LGALS2: variants seen among roughly 807,000 people sequenced by gnomAD.
LGALS2 encodes the protein galectin-2.
In LGALS2, 7 loss-of-function variants were observed where a neutral mutation model predicts 10.1. The ratio of observed to expected loss-of-function variants is 0.70; its 90% CI spans 0.40 to 1.31. LGALS2 has a LOEUF of 1.31. LGALS2 is among the 50% of genes most tolerant of loss of function. The probability of loss-of-function intolerance (pLI) is 0.01; values close to 1 mark genes in which losing one functional copy is unlikely to be tolerated. For synonymous variants in LGALS2, 86 were observed against 64.2 expected (o/e 1.34, Z -1.63); for missense variants, 167 against 163.6 (o/e 1.02, Z -0.11).
At chr22:37,574,978 A>G (rs4821673) in intron 1 of LGALS2, among the ~76,000 whole-genome samples, 76,103 of 150,352 alleles carry the variant, frequency 0.51, 20,288 homozygotes, top group Non-Finnish European at 0.59. Context: ...CACTTCCCAG[A>G]TTCAAGCAAT....
intron 1 of LGALS2, among the ~76,000 whole-genome samples, chr22:37,576,309 G>A (rs999162964): frequency 5.3e-5 from 8 of 151,794 alleles, no homozygotes; most frequent in Non-Finnish European, 7.4e-5. Flanking sequence ...AAAATTAGCC[G>A]GGCGTGGTGG....
In LGALS2 at chr22:37,570,522, A is replaced by G. The variant is rs1301749549; in HGVS notation, c.249+54T>C. On this transcript the variant is annotated intron_variant, in intron 3 of 3. Transcript: ENST00000215886. ...CTGTGTCCAGGCCAGGCTCTCTTCC[A>G]TCTGGGCCCTCCCCTTGACATCACC... is the stretch of plus-strand genomic sequence containing the variant. The G allele has an allele frequency of 3.7e-6, 6 of 1,611,432 alleles. No individual in the cohort carries two copies. The Admixed American group carries it at 1.0e-4, about 27-fold the overall frequency.
At chr22:37,571,095 G>C (rs1203264032) in intron 2 of LGALS2, among the ~76,000 whole-genome samples, 2 of 152,172 alleles carry the variant, frequency 1.3e-5, no homozygotes, top group African/African-American at 4.8e-5. Context: ...GTGTGCAACC[G>C]GGGTTGTATG....
chr22:37,577,158 C>T (rs1369464944), intron 1 of LGALS2, among the ~76,000 whole-genome samples: 1 of 152,054 alleles, frequency 6.6e-6, no homozygotes, highest in Non-Finnish European at 1.5e-5. Flanking sequence ...AAAGAAAAGG[C>T]AGAGGTGAGA....
chr22:37,575,901 C>T (rs1053705624), intron 1 of LGALS2, among the ~76,000 whole-genome samples: 2 of 152,186 alleles, frequency 1.3e-5, no homozygotes, highest in Admixed American at 6.5e-5. Context: ...GCAGGCATTT[C>T]TTTGTTGGGG....
At chr22:37,571,316 A>G (rs902120520) in intron 2 of LGALS2, among the ~76,000 whole-genome samples, 15 of 152,152 alleles carry the variant, frequency 9.9e-5, no homozygotes, top group Non-Finnish European at 1.8e-4. Flanking sequence ...TCTAACCAAA[A>G]GTAGATAAAG....
chr22:37,575,840 G>C (rs11089845), intron 1 of LGALS2, among the ~76,000 whole-genome samples: 92,177 of 152,076 alleles, frequency 0.61, 28,284 homozygotes, highest in African/African-American at 0.65. Flanking sequence ...ATGTCAGACA[G>C]GAGGCTGCTC....
chr22:37,576,098 T>C (rs985096368), intron 1 of LGALS2, among the ~76,000 whole-genome samples: 8 of 152,170 alleles, frequency 5.3e-5, no homozygotes, highest in Admixed American at 2.0e-4. Flanking sequence ...ACTCCCCATG[T>C]CTTTGCTTAA....
chr22:37,576,989 C>T (rs1925701781), intron 1 of LGALS2, among the ~76,000 whole-genome samples: 1 of 76,324 alleles, frequency 1.3e-5, no homozygotes, highest in Non-Finnish European at 2.6e-5. Flanking sequence ...GTCCCTAGAG[C>T]TGGGGGGGTG....
chr22:37,570,829 A>C, intron 2 of LGALS2, 94 bp from the exon 3 acceptor site: 1 of 1,388,234 alleles, frequency 7.2e-7, no homozygotes, highest in South Asian at 1.2e-5. Context: ...AGCTGGAAGA[A>C]TCAAAGCTTG....
In LGALS2 at chr22:37,579,977, G is replaced by C; in HGVS notation, c.-72C>G. The C allele has an allele frequency of 6.5e-7, 1 of 1,547,640 alleles. No homozygotes were observed. The stretch of plus-strand genomic sequence containing the variant: ...GCTCAGGGTCTCAACTCGTGGTCAA[G>C]CTTATATCCTAGAATATTACACATT... On this transcript the variant is annotated 5_prime_UTR_variant, in exon 1 of 4. Transcript: ENST00000215886.
At chr22:37,577,352 C>CTTT (rs35255946) in intron 1 of LGALS2, among the ~76,000 whole-genome samples, 2 of 136,764 alleles carry the variant, frequency 1.5e-5, no homozygotes, top group Admixed American at 7.4e-5. Flanking sequence ...TCAATGTGAC[C>CTTT]TTTTTTTTTT....
intron 1 of LGALS2, 150 bp downstream of exon 1, chr22:37,579,750 A>T (rs774026470): frequency 3.7e-4 from 282 of 771,092 alleles, no homozygotes; most frequent in Non-Finnish European, 5.0e-4. Context: ...GCTGTTTTTT[A>T]AAAAAAGACC....
chr22:37,574,925 C>A (rs1017135766), intron 1 of LGALS2, among the ~76,000 whole-genome samples: 1 of 151,446 alleles, frequency 6.6e-6, no homozygotes, highest in Non-Finnish European at 1.5e-5. Context: ...CTCTGTCACC[C>A]ATGCTGGAGT....
intron 2 of LGALS2, among the ~76,000 whole-genome samples, chr22:37,571,642 G>A (rs993005489): frequency 2.0e-5 from 3 of 152,214 alleles, no homozygotes; most frequent in African/African-American, 7.2e-5. Flanking sequence ...AGAGCATATG[G>A]CATCAACTCT....
intron 1 of LGALS2, among the ~76,000 whole-genome samples, chr22:37,572,922 G>T: frequency 6.6e-6 from 1 of 151,482 alleles, no homozygotes. Flanking sequence ...CATGAGCTGA[G>T]ATCGTACCAT....
chr22:37,572,461 G>A (rs1306692286), intron 1 of LGALS2, among the ~76,000 whole-genome samples: 2 of 151,346 alleles, frequency 1.3e-5, no homozygotes, highest in East Asian at 1.9e-4. Context: ...GTGAAACCTC[G>A]TCTCTACTAA....
chr22:37,572,414 C>G (rs979954984), intron 1 of LGALS2, among the ~76,000 whole-genome samples: 6 of 151,220 alleles, frequency 4.0e-5, no homozygotes, highest in African/African-American at 1.5e-4. Flanking sequence ...GGCTGATCAC[C>G]TGAGGTCAGG....
chr22:37,573,142 G>T (rs1341879091), intron 1 of LGALS2, among the ~76,000 whole-genome samples: 2 of 130,726 alleles, frequency 1.5e-5, no homozygotes, highest in East Asian at 3.9e-4. Context: ...GTGGTGGCAC[G>T]CATCTATAGT....
Sources: allele counts gnomAD v4.1 joint callset (sites outside exome capture counted in the v4.1 genomes callset), GRCh38; gene constraint gnomAD v4.1.1; transcripts MANE v1.5; gene names NCBI Gene and HGNC (gene_info 2026-07-23, HGNC 2026-07-21).